PLXNA2: variants seen among roughly 807,000 people sequenced by gnomAD.
The protein encoded by PLXNA2 is plexin-A2.
PLXNA2 carries 91 observed loss-of-function variants against 193.5 expected under a neutral mutation model. That is an observed-to-expected ratio of 0.47 (90% CI 0.40 to 0.56). PLXNA2 has a LOEUF of 0.56. PLXNA2 is among the 20% of genes least tolerant of loss of function. The pLI is 0.00. For missense variants in PLXNA2, 1,995 were observed against 2,503.2 expected, an observed-to-expected ratio of 0.80 and a Z score of 4.33; for synonymous variants, 997 against 1,027.3, an observed-to-expected ratio of 0.97 and a Z score of 0.56.
rs915559967 is a variant in PLXNA2, at chr1:208,023,944, A to G, written c.*3299T>C. The G allele has an allele frequency of 6.6e-6, 1 of 152,280 alleles. No homozygotes were observed. Among genetic ancestry groups the G allele is most frequent in the African/African-American group, 2.4e-5 (1 of 41,446 alleles). The allele number at this position is 152,280 out of a possible 1,614,324, so 9.4% of individuals were successfully genotyped here. On this transcript the variant is annotated 3_prime_UTR_variant, in exon 32 of 32. Transcript: ENST00000367033. ...CTGTAAAGAGGGGAACCCTCTGCCAATGGGGGATCAAAATGGTTTTGAGAG... is the reference window on the plus strand; with the variant it reads ...CTGTAAAGAGGGGAACCCTCTGCCAGTGGGGGATCAAAATGGTTTTGAGAG...
rs1227559659 is a variant in PLXNA2, at chr1:208,044,188, TG to T, written c.3874+319del. ...CCATGGGGGATCTAGAGTCTGGGGCTGTGGAGCCTGGGGACTCTGACTGTGG... is the reference window on the plus strand; with the variant it reads ...CCATGGGGGATCTAGAGTCTGGGGCTTGGAGCCTGGGGACTCTGACTGTGG... On this transcript the variant is annotated intron_variant, in intron 20 of 31. Coordinates refer to ENST00000367033, the MANE Select transcript of PLXNA2 (RefSeq NM_025179.4). The surrounding 1 kb of genome is among the most constrained non-coding windows in gnomAD (Gnocchi z 4.9). Among the ~76,000 whole-genome samples, 1 of 152,206 alleles carries T rather than the reference TG, an allele frequency of 6.6e-6. No individual in the cohort carries two copies. The highest frequency in any genetic ancestry group is 6.5e-5 in the Admixed American group (1 of 15,286).
intron 3 of PLXNA2, among the ~76,000 whole-genome samples, chr1:208,193,426 G>C (rs1172997580): frequency 6.6e-6 from 1 of 152,196 alleles, no homozygotes; most frequent in Non-Finnish European, 1.5e-5. Context: ...TCTAATCTCA[G>C]TGTCATTACT....
intron 28 of PLXNA2, chr1:208,032,052 G>A (rs2102301235): frequency 1.0e-6 from 1 of 985,366 alleles, no homozygotes; most frequent in South Asian, 4.7e-5. Context: ...AAGTGCCCCG[G>A]GTCCGGGCTT....
At chr1:208,034,320 G>A (rs970871358) in intron 27 of PLXNA2, among the ~76,000 whole-genome samples, 173 bp downstream of exon 27, 8 of 152,236 alleles carry the variant, frequency 5.3e-5, no homozygotes, top group South Asian at 2.1e-4. Flanking sequence ...CTCTGAGGGC[G>A]CAGGCTGCCT....
At position 208,217,832 on chromosome 1, in the gene PLXNA2, G is replaced by A. The variant is rs149664316; in HGVS notation, c.91C>T (p.Pro31Ser). 1.9e-4 allele frequency: 310 copies of A among 1,614,038 alleles called. No homozygotes were observed. In the African/African-American group the frequency reaches 2.6e-3, roughly 14 times the overall value. ...CTGAACTGAGGCATGCCGGCTGCTG[G>A]GGGGGCCAGCAGCACCCAGACCACT... Reference protein sequence around the residue: ...LSVVWVLLAPPAAGMPQFSTF... With the variant: ...LSVVWVLLAPSAAGMPQFSTF... Residue 31 changes from proline to serine, a missense_variant, in exon 2 of 32, where the codon CCA becomes TCA. Pro to Ser is a moderately conservative substitution (Grantham distance 74). Coordinates refer to ENST00000367033, the MANE Select transcript of PLXNA2 (RefSeq NM_025179.4). The surrounding 1 kb of genome is among the most constrained non-coding windows in gnomAD (Gnocchi z 4.7).
chr1:208,031,264 C>T, intron 29 of PLXNA2: 1 of 1,166,902 alleles, frequency 8.6e-7, no homozygotes, highest in Non-Finnish European at 1.1e-6. Flanking sequence ...CATAGGTTCC[C>T]CCAGCTCCCT....
chr1:208,064,576 G>A (rs1424672008), intron 12 of PLXNA2, among the ~76,000 whole-genome samples: 3 of 152,204 alleles, frequency 2.0e-5, no homozygotes, highest in African/African-American at 4.8e-5. Context: ...GTGGCTCAAG[G>A]TGGAGGTCTG....
At chr1:208,073,985 T>TAC (rs1666057539) in intron 12 of PLXNA2, among the ~76,000 whole-genome samples, 1 of 152,190 alleles carries the variant, frequency 6.6e-6, no homozygotes, top group African/African-American at 2.4e-5. Flanking sequence ...GACCTCCAAA[T>TAC]ATATTCAGGT....
At chr1:208,102,675 C>T (rs1180144865) in intron 5 of PLXNA2, among the ~76,000 whole-genome samples, 1 of 152,194 alleles carries the variant, frequency 6.6e-6, no homozygotes, top group African/African-American at 2.4e-5. Context: ...TTTCCCTAAA[C>T]AGCAATGGAG....
At chr1:208,135,125 C>T (rs907352009) in intron 4 of PLXNA2, among the ~76,000 whole-genome samples, 3 of 151,272 alleles carry the variant, frequency 2.0e-5, no homozygotes, top group South Asian at 2.1e-4. Context: ...CCAGATACTG[C>T]GTAGGGTCTT....
At chr1:208,152,282 G>A (rs1220680786) in intron 3 of PLXNA2, among the ~76,000 whole-genome samples, 7 of 151,328 alleles carry the variant, frequency 4.6e-5, no homozygotes, top group East Asian at 4.0e-4. Context: ...ACACACACAC[G>A]TGGCATGTGC....
intron 3 of PLXNA2, among the ~76,000 whole-genome samples, chr1:208,195,481 C>A (rs1036351315): frequency 1.3e-5 from 2 of 152,116 alleles, no homozygotes; most frequent in Non-Finnish European, 2.9e-5. Flanking sequence ...CTTTTTGCAC[C>A]TCCATGGCCT....
At chr1:208,040,255 G>T in intron 22 of PLXNA2, 197 bp from the exon 23 acceptor site, 2 of 589,930 alleles carry the variant, frequency 3.4e-6, no homozygotes, top group Admixed American at 6.0e-5. Context: ...TTCTTTCTGG[G>T]CCTCAATTTC....
In PLXNA2 at chr1:208,217,804, G is replaced by T; in HGVS notation, c.119C>A (p.Thr40Asn). ...CCAGTCACGATTCTCAGAGTGGAAG[G>T]TGCTGAACTGAGGCATGCCGGCTGC... The part of the protein sequence containing the change: ...PPAAGMPQFS[T>N]FHSENRDWTF... The change falls in exon 2 of 32, where the codon ACC becomes AAC. Residue 40 changes from threonine (T) to asparagine (N), a missense_variant. Around this residue, in one of 3 missense-constraint regions of PLXNA2, gnomAD observed 702 missense variants for 812.9 expected, o/e 0.86. Coordinates refer to ENST00000367033, the MANE Select transcript of PLXNA2 (RefSeq NM_025179.4). The surrounding 1 kb of genome is among the most constrained non-coding windows in gnomAD (Gnocchi z 4.7). 6.2e-7 allele frequency: 1 copy of T among 1,614,200 alleles called. No individual in the cohort carries two copies. The highest frequency in any genetic ancestry group is 1.6e-4 in the Middle Eastern group (1 of 6,062).
intron 1 of PLXNA2, among the ~76,000 whole-genome samples, chr1:208,222,241 C>G (rs888181740): frequency 1.3e-5 from 2 of 152,194 alleles, no homozygotes; most frequent in Non-Finnish European, 2.9e-5. Context: ...GGAGTTTTCT[C>G]TTAATAATGA....
At chr1:208,090,928 C>T (rs545961509) in intron 9 of PLXNA2, among the ~76,000 whole-genome samples, 1 of 152,170 alleles carries the variant, frequency 6.6e-6, no homozygotes, top group Non-Finnish European at 1.5e-5. Flanking sequence ...TTCATTGGCT[C>T]CAAGCTGTGG....
At chr1:208,049,851 C>T (rs1665198791) in intron 17 of PLXNA2, among the ~76,000 whole-genome samples, 2 of 152,174 alleles carry the variant, frequency 1.3e-5, no homozygotes, top group South Asian at 4.1e-4. Flanking sequence ...AGAGGGGAGA[C>T]ATAACACCAT....
At chr1:208,075,515 G>T (rs1396030424) in intron 12 of PLXNA2, among the ~76,000 whole-genome samples, 1 of 152,096 alleles carries the variant, frequency 6.6e-6, no homozygotes. Flanking sequence ...TTTCTTCACT[G>T]CCCAGTCACT....
chr1:208,064,292 C>A (rs1336738651), intron 12 of PLXNA2, among the ~76,000 whole-genome samples: 1 of 152,234 alleles, frequency 6.6e-6, no homozygotes, highest in Non-Finnish European at 1.5e-5. Flanking sequence ...GGGTGACCTT[C>A]ATGAACACAT....
Sources: allele counts gnomAD v4.1 joint callset (sites outside exome capture counted in the v4.1 genomes callset), GRCh38; gene constraint gnomAD v4.1.1; regional missense constraint gnomAD v4.1.1; non-coding constraint Gnocchi (gnomAD v3.1); transcripts MANE v1.5; gene names NCBI Gene and HGNC (gene_info 2026-07-23, HGNC 2026-07-21).